BBX: variants seen among roughly 807,000 people sequenced by gnomAD.
The protein encoded by BBX is BBX high mobility group box domain containing.
BBX carries 30 observed loss-of-function variants against 100.2 expected under a neutral mutation model. The ratio of observed to expected loss-of-function variants is 0.30; its 90% confidence interval spans 0.22 to 0.41. BBX has a LOEUF of 0.41. BBX is among the 10% of genes least tolerant of loss of function. The pLI is 1.00. For missense variants in BBX, 1,023 were observed against 1,129.8 expected, an observed-to-expected ratio of 0.91 and a Z score of 1.35; for synonymous variants, 376 against 388.1, an observed-to-expected ratio of 0.97 and a Z score of 0.37.
intron 2 of BBX, among the ~76,000 whole-genome samples, chr3:107,542,525 A>G (rs1425458774): frequency 6.6e-6 from 1 of 152,240 alleles, no homozygotes; most frequent in African/African-American, 2.4e-5. Flanking sequence ...TTTCATGTAA[A>G]GTGGAATATG....
intron 3 of BBX, among the ~76,000 whole-genome samples, chr3:107,680,724 G>C (rs1415862895): frequency 2.6e-5 from 4 of 152,144 alleles, no homozygotes; most frequent in Non-Finnish European, 5.9e-5. Flanking sequence ...AGATAAGGAA[G>C]ACACTCAAGT....
At chr3:107,769,240 AG>A (rs775588430) in intron 10 of BBX, among the ~76,000 whole-genome samples, 143 of 140,042 alleles carry the variant, frequency 1.0e-3, no homozygotes, top group African/African-American at 3.9e-3. Flanking sequence ...ACAGATAGAT[AG>A]GATAGATAGA....
At chr3:107,583,286 A>G (rs2052420560) in intron 2 of BBX, among the ~76,000 whole-genome samples, 1 of 151,972 alleles carries the variant, frequency 6.6e-6, no homozygotes, top group East Asian at 1.9e-4. Flanking sequence ...TTTCAAAAGG[A>G]TTGGAAAGGA....
At chr3:107,586,032 A>G (rs2052809398) in intron 2 of BBX, among the ~76,000 whole-genome samples, 1 of 152,162 alleles carries the variant, frequency 6.6e-6, no homozygotes, top group African/African-American at 2.4e-5. Context: ...GTTCTTTCAT[A>G]TAACTGTATT....
chr3:107,684,064 T>A (rs2059710530), intron 3 of BBX, among the ~76,000 whole-genome samples: 1 of 152,184 alleles, frequency 6.6e-6, no homozygotes, highest in African/African-American at 2.4e-5. Flanking sequence ...TATGTCAATA[T>A]CTGTTGTTAC....
intron 3 of BBX, among the ~76,000 whole-genome samples, chr3:107,675,157 A>G (rs138357809): frequency 1.6e-4 from 25 of 152,326 alleles, no homozygotes; most frequent in Admixed American, 3.3e-4. Flanking sequence ...TTAAAGTTTC[A>G]GACCCTGGAG....
At chr3:107,550,619 AG>A (rs2049588212) in intron 2 of BBX, among the ~76,000 whole-genome samples, 1 of 152,234 alleles carries the variant, frequency 6.6e-6, no homozygotes, top group Admixed American at 6.5e-5. Flanking sequence ...GATTCAGTTC[AG>A]CTGAAGAAAG....
In BBX at chr3:107,748,040, G is replaced by C; in HGVS notation, c.825+1G>C. 6.2e-7 allele frequency: 1 copy of C among 1,611,620 alleles called. No individual in the cohort carries two copies. The stretch of plus-strand genomic sequence containing the variant: ...ATCTGCCTTGTTTCAGTTTGCAGAG[G>C]TATGGCCTTTTTAAAATGCTTTTTA... On this transcript the variant is annotated splice_donor_variant, in intron 9 of 17. Transcript: ENST00000325805. LOFTEE classifies it high-confidence loss of function.
At chr3:107,561,694 CAAT>C (rs2050513438) in intron 2 of BBX, among the ~76,000 whole-genome samples, 1 of 152,028 alleles carries the variant, frequency 6.6e-6, no homozygotes, top group African/African-American at 2.4e-5. Context: ...AAAAATATGA[CAAT>C]ATCTGCTTCT....
At chr3:107,545,816 G>C (rs961412613) in intron 2 of BBX, among the ~76,000 whole-genome samples, 1 of 152,210 alleles carries the variant, frequency 6.6e-6, no homozygotes, top group African/African-American at 2.4e-5. Context: ...GATGCATTAA[G>C]TGGATAAAAC....
chr3:107,528,222 T>C (rs2047913920), intron 2 of BBX, among the ~76,000 whole-genome samples: 1 of 152,194 alleles, frequency 6.6e-6, no homozygotes, highest in Non-Finnish European at 1.5e-5. Flanking sequence ...GGCTTACTTA[T>C]CAAAATAAGA....
intron 2 of BBX, among the ~76,000 whole-genome samples, chr3:107,617,638 T>C (rs1053124994): frequency 6.6e-5 from 10 of 152,180 alleles, no homozygotes; most frequent in African/African-American, 2.4e-4. Flanking sequence ...TCAGCTATTG[T>C]AATCTTCATT....
intron 2 of BBX, among the ~76,000 whole-genome samples, chr3:107,571,372 A>G (rs1179335836): frequency 6.6e-6 from 1 of 152,152 alleles, no homozygotes; most frequent in Non-Finnish European, 1.5e-5. Context: ...GCAGTGGTTA[A>G]ACACCAAGGG....
At chr3:107,533,805 T>TA (rs1269431906) in intron 2 of BBX, among the ~76,000 whole-genome samples, 2 of 152,190 alleles carry the variant, frequency 1.3e-5, no homozygotes, top group Non-Finnish European at 2.9e-5. Context: ...TTTCCTTTAT[T>TA]ATACTGCTAC....
intron 1 of BBX, among the ~76,000 whole-genome samples, chr3:107,525,120 A>G (rs2047660813): frequency 6.7e-6 from 1 of 148,186 alleles, no homozygotes; most frequent in Admixed American, 6.7e-5. Flanking sequence ...CGACTTTTGT[A>G]GGCAGCCAGC....
chr3:107,568,066 G>C (rs747896535), intron 2 of BBX, among the ~76,000 whole-genome samples: 1 of 150,822 alleles, frequency 6.6e-6, no homozygotes, highest in Non-Finnish European at 1.5e-5. Context: ...AAGGAAGTTT[G>C]GTGCTTCTTG....
chr3:107,683,230 T>A (rs1173272374), intron 3 of BBX, among the ~76,000 whole-genome samples: 1 of 152,174 alleles, frequency 6.6e-6, no homozygotes, highest in African/African-American at 2.4e-5. Context: ...CAAATTCCTA[T>A]GCCTGCCCTT....
At chr3:107,557,962 G>A (rs2050201210) in intron 2 of BBX, among the ~76,000 whole-genome samples, 1 of 152,226 alleles carries the variant, frequency 6.6e-6, no homozygotes, top group African/African-American at 2.4e-5. Context: ...TCACCTGGTA[G>A]AAATACCTAT....
chr3:107,538,149 A>G (rs2048625202), intron 2 of BBX, among the ~76,000 whole-genome samples: 1 of 152,222 alleles, frequency 6.6e-6, no homozygotes, highest in African/African-American at 2.4e-5. Context: ...ATTGGGTGCA[A>G]TACATACTTA....
Sources: gnomAD v4.1 joint callset for allele counts (sites outside exome capture counted in the v4.1 genomes callset) on GRCh38, gnomAD v4.1.1 for gene constraint, MANE v1.5 for transcripts, NCBI Gene and HGNC (gene_info 2026-07-23, HGNC 2026-07-21) for gene names.